The following RFX3 variants were observed in gnomAD, a reference collection of about 807,000 sequenced individuals.
RFX3 encodes the protein transcription factor RFX3.
A neutral mutation model predicts 98.6 loss-of-function variants in RFX3; 14 were observed. That is an observed-to-expected ratio of 0.14 (90% confidence interval 0.09 to 0.22). RFX3 has a LOEUF of 0.22. Ranked by LOEUF, RFX3 falls within the 10% of genes least tolerant of loss-of-function variation. The pLI, the probability that RFX3 is intolerant of heterozygous loss-of-function variation, is 1.00. For synonymous variants in RFX3, 383 were observed against 328.4 expected (o/e 1.17, Z -1.80); for missense variants, 639 against 926.9 (o/e 0.69, Z 4.03).
intron 2 of RFX3, among the ~76,000 whole-genome samples, chr9:3,394,185 C>T (rs574569251): frequency 5.8e-4 from 88 of 151,826 alleles, no homozygotes; most frequent in Middle Eastern, 3.4e-3. Context: ...ACAAAATGGC[C>T]GGGCACAGTA....
In RFX3 at chr9:3,238,651, A is replaced by C. The variant is rs529691944; in HGVS notation, c.1968+9381T>G. 5.9e-5 allele frequency among the ~76,000 whole-genome samples: 9 copies of C among 152,288 alleles called. No homozygotes were observed. In the South Asian group the frequency reaches 1.5e-3, roughly 25 times the overall value. ...CTTCTCTTTTCAGCATTCCATACTTAACTTGAACTTTGCAACATTCTGAAT... is the reference window on the plus strand; with the variant it reads ...CTTCTCTTTTCAGCATTCCATACTTCACTTGAACTTTGCAACATTCTGAAT... On this transcript the variant is annotated intron_variant, in intron 15 of 16. Coordinates refer to ENST00000617270, the MANE Select transcript of RFX3 (RefSeq NM_001282116.2).
chr9:3,372,530 T>TTTTC (rs201467721), intron 2 of RFX3, among the ~76,000 whole-genome samples: 246 of 151,562 alleles, frequency 1.6e-3, no homozygotes, highest in Non-Finnish European at 2.5e-3. Flanking sequence ...GCCATCTTTT[T>TTTTC]TTTCTTTCTT....
chr9:3,322,033 T>C (rs1434888584), intron 4 of RFX3, among the ~76,000 whole-genome samples: 1 of 152,086 alleles, frequency 6.6e-6, no homozygotes, highest in Non-Finnish European at 1.5e-5. Flanking sequence ...TAATTTTATA[T>C]ACATTTTAAT....
chr9:3,431,563 T>A (rs7849415), intron 1 of RFX3, among the ~76,000 whole-genome samples: 1,646 of 152,236 alleles, frequency 0.011, 24 homozygotes, highest in African/African-American at 0.033. Context: ...ATATTGAAAA[T>A]GCAGCTTTTA....
intron 1 of RFX3, among the ~76,000 whole-genome samples, chr9:3,425,252 A>G (rs1564084664): frequency 6.6e-6 from 1 of 152,188 alleles, no homozygotes; most frequent in Non-Finnish European, 1.5e-5. Flanking sequence ...AAGAAAAGAA[A>G]ATTTGTTTTT....
chr9:3,251,989 C>A (rs941170153), intron 14 of RFX3, among the ~76,000 whole-genome samples: 2 of 152,136 alleles, frequency 1.3e-5, no homozygotes, highest in African/African-American at 4.8e-5. Context: ...GCTGGGATTA[C>A]AAACATGCGC....
intron 1 of RFX3, among the ~76,000 whole-genome samples, chr9:3,399,509 G>C (rs1587515904): frequency 2.0e-5 from 3 of 152,072 alleles, no homozygotes; most frequent in African/African-American, 2.4e-5. Context: ...ATTTTAAAGA[G>C]GTGAGCACAT....
At chr9:3,362,260 C>T (rs956540885) in intron 2 of RFX3, among the ~76,000 whole-genome samples, 1 of 152,138 alleles carries the variant, frequency 6.6e-6, no homozygotes, top group Admixed American at 6.5e-5. Flanking sequence ...GGAATGGTAG[C>T]CCTTCCATGT....
At chr9:3,327,214 G>C (rs568510083) in intron 4 of RFX3, among the ~76,000 whole-genome samples, 1 of 151,478 alleles carries the variant, frequency 6.6e-6, no homozygotes, top group Non-Finnish European at 1.5e-5. Context: ...AAAAAATCTT[G>C]ATTTTTAGGA....
intron 1 of RFX3, among the ~76,000 whole-genome samples, chr9:3,426,024 T>C (rs1222023469): frequency 2.0e-5 from 3 of 152,196 alleles, no homozygotes; most frequent in Admixed American, 6.5e-5. Context: ...AAAAAACCCA[T>C]CATTCAATTA....
At chr9:3,508,901 TACCGAA>T (rs1293717429) in intron 1 of RFX3, among the ~76,000 whole-genome samples, 1 of 151,632 alleles carries the variant, frequency 6.6e-6, no homozygotes, top group Non-Finnish European at 1.5e-5. Flanking sequence ...TTTAGCACAA[TACCGAA>T]ACTAATTCAA....
At chr9:3,423,125 G>C (rs940708440) in intron 1 of RFX3, among the ~76,000 whole-genome samples, 3 of 152,104 alleles carry the variant, frequency 2.0e-5, no homozygotes, top group Non-Finnish European at 4.4e-5. Flanking sequence ...CATATGCTGA[G>C]AATTCTATTC....
At chr9:3,469,472 A>G (rs539414166) in intron 1 of RFX3, among the ~76,000 whole-genome samples, 1 of 152,308 alleles carries the variant, frequency 6.6e-6, no homozygotes, top group South Asian at 2.1e-4. Context: ...ATAAACTACG[A>G]AATCTCTCAA....
chr9:3,364,778 T>A (rs1836851665), intron 2 of RFX3: 1 of 152,500 alleles, frequency 6.6e-6, no homozygotes, highest in Admixed American at 6.5e-5. Context: ...AACGTTCTAT[T>A]GAAGAATAAT....
rs567415484 is a variant in RFX3 at position 3,314,547 on chromosome 9, C to T, written c.475-12927G>A. On this transcript the variant is annotated intron_variant, in intron 4 of 16. Coordinates refer to ENST00000617270, the MANE Select transcript of RFX3 (RefSeq NM_001282116.2). Reference sequence around the variant, plus strand: ...ATATTAACCTTAAATGTAAATGGGCCAAATGCCCCAGTTAAAAGACACAGA... The same window carrying T: ...ATATTAACCTTAAATGTAAATGGGCTAAATGCCCCAGTTAAAAGACACAGA... 2.6e-5 allele frequency among the ~76,000 whole-genome samples: 4 copies of T among 152,162 alleles called. No individual in the cohort carries two copies. In the East Asian group the frequency reaches 7.7e-4, roughly 29 times the overall value.
intron 1 of RFX3, among the ~76,000 whole-genome samples, chr9:3,505,262 TTATATATATATGA>T (rs1564186984): frequency 4.1e-5 from 3 of 73,596 alleles, no homozygotes; most frequent in East Asian, 1.1e-3. Flanking sequence ...GAATATATAT[TTATATATATATGA>T]ATATATACAT....
chr9:3,351,321 G>A (rs1366923449), intron 2 of RFX3, among the ~76,000 whole-genome samples: 3 of 151,690 alleles, frequency 2.0e-5, no homozygotes, highest in African/African-American at 4.8e-5. Context: ...ACATATATAT[G>A]TAAATATACA....
chr9:3,430,130 C>T (rs950093017), intron 1 of RFX3, among the ~76,000 whole-genome samples: 17 of 152,146 alleles, frequency 1.1e-4, no homozygotes, highest in Admixed American at 2.6e-4. Context: ...TAATTTTCAA[C>T]GAGAAAAGGG....
At chr9:3,351,895 G>T (rs1835180692) in intron 2 of RFX3, among the ~76,000 whole-genome samples, 1 of 151,892 alleles carries the variant, frequency 6.6e-6, no homozygotes, top group Admixed American at 6.6e-5. Flanking sequence ...TAATTTATAA[G>T]CAGGCATATC....
Sources: allele counts gnomAD v4.1 joint callset (sites outside exome capture counted in the v4.1 genomes callset), GRCh38; gene constraint gnomAD v4.1.1; transcripts MANE v1.5; gene names NCBI Gene and HGNC (gene_info 2026-07-23, HGNC 2026-07-21).